SAMD4A: variants seen among roughly 807,000 people sequenced by gnomAD.
The protein encoded by SAMD4A is protein Smaug homolog 1.
Under a neutral mutation model 81.3 loss-of-function variants are expected in SAMD4A, and 33 were observed. The ratio of observed to expected loss-of-function variants is 0.41; its 90% CI spans 0.31 to 0.54. SAMD4A has a LOEUF of 0.54. SAMD4A is among the 20% of genes least tolerant of loss of function. The pLI, the probability that SAMD4A is intolerant of heterozygous loss-of-function variation, is 0.37. For missense variants in SAMD4A, 854 were observed against 951.1 expected (o/e 0.90, Z 1.34); for synonymous variants, 389 against 382.1 (o/e 1.02, Z -0.21).
At chr14:54,700,392 C>T (rs2036684449) in intron 2 of SAMD4A, among the ~76,000 whole-genome samples, 1 of 152,198 alleles carries the variant, frequency 6.6e-6, no homozygotes, top group Non-Finnish European at 1.5e-5. Context: ...TCATTATATA[C>T]CATGCCTCTT....
intron 2 of SAMD4A, among the ~76,000 whole-genome samples, chr14:54,635,058 A>C (rs997365721): frequency 6.6e-6 from 1 of 152,184 alleles, no homozygotes; most frequent in Non-Finnish European, 1.5e-5. Flanking sequence ...TGTAGATAAA[A>C]GTGAGTCTCA....
At chr14:54,780,114 A>C (rs766941145) in intron 11 of SAMD4A, among the ~76,000 whole-genome samples, 2 of 152,142 alleles carry the variant, frequency 1.3e-5, no homozygotes, top group African/African-American at 2.4e-5. Context: ...GGCCTAACAG[A>C]AAAGGGCAGG....
At chr14:54,597,125 A>G (rs1380406989) in intron 2 of SAMD4A, among the ~76,000 whole-genome samples, 1 of 151,178 alleles carries the variant, frequency 6.6e-6, no homozygotes, top group African/African-American at 2.4e-5. Context: ...TTTTTGAAAA[A>G]TGGAAGATTT....
At chr14:54,598,820 C>CCCCTT (rs1216726175) in intron 2 of SAMD4A, among the ~76,000 whole-genome samples, 3 of 151,864 alleles carry the variant, frequency 2.0e-5, no homozygotes, top group Non-Finnish European at 4.4e-5. Context: ...CCCCTCCCCT[C>CCCCTT]CCCTTCCATC....
intron 2 of SAMD4A, among the ~76,000 whole-genome samples, chr14:54,568,741 A>ATATATATATATAT (rs2033039421): frequency 1.9e-5 from 2 of 107,576 alleles, no homozygotes; most frequent in African/African-American, 3.6e-5. Context: ...ATATATATAT[A>ATATATATATATAT]ATGCGGTTAA....
intron 2 of SAMD4A, among the ~76,000 whole-genome samples, chr14:54,632,789 T>C (rs1454922928): frequency 6.6e-6 from 1 of 152,232 alleles, no homozygotes. Flanking sequence ...CTCACTCTGT[T>C]TTAACTTTCT....
In SAMD4A at chr14:54,658,640, G is replaced by T. The variant is rs59981533; in HGVS notation, c.197-43422G>T. On this transcript the variant is annotated intron_variant, in intron 2 of 12. Transcript: ENST00000554335. ...GGAGCCTCTTCCTTACCCAGCCACT[G>T]TCATTGACTTCTCTGTGCCACTGGG... 8.1e-3 allele frequency among the ~76,000 whole-genome samples: 1,234 copies of T among 152,276 alleles called. 15 individuals carry two copies. The highest frequency in any genetic ancestry group is 0.028 in the African/African-American group (1,173 of 41,556).
chr14:54,717,355 T>G (rs1361022427), intron 3 of SAMD4A, among the ~76,000 whole-genome samples: 1 of 151,098 alleles, frequency 6.6e-6, no homozygotes, highest in African/African-American at 2.4e-5. Flanking sequence ...GGCAGAAGGA[T>G]CGCTTGAGCC....
chr14:54,656,494 G>A (rs1455551909), intron 2 of SAMD4A, among the ~76,000 whole-genome samples: 6 of 152,130 alleles, frequency 3.9e-5, no homozygotes, highest in Non-Finnish European at 8.8e-5. Flanking sequence ...GAAGCCCCAT[G>A]GCTCTTGATA....
At position 54,676,231 on chromosome 14, in the gene SAMD4A, C is replaced by A. The variant is rs540284951; in HGVS notation, c.197-25831C>A. 3.9e-5 allele frequency among the ~76,000 whole-genome samples: 6 copies of A among 152,276 alleles called. No individual in the cohort carries two copies. The South Asian group carries it at 1.2e-3, about 32-fold the overall frequency. ...ACCTCTCATTTTGGTATTAAAAGTG[C>A]CTTTGGCGTATTCAGATATCTCCAT... is the stretch of plus-strand genomic sequence containing the variant. On this transcript the variant is annotated intron_variant, in intron 2 of 12. Transcript: ENST00000554335.
At position 54,781,078 on chromosome 14, in the gene SAMD4A, C is replaced by T. The variant is rs576495978; in HGVS notation, c.2045-3459C>T. Among the ~76,000 whole-genome samples, 35 of 152,326 alleles carry T rather than the reference C, an allele frequency of 2.3e-4. 2 individuals are homozygous for T. The South Asian group carries it at 6.8e-3, about 30-fold the overall frequency. ...TCTTCCCTGCTTTCTCTCCTCCTAG[C>T]AACCCTGCTGCTCAGTGAACCAGAC... is the stretch of plus-strand genomic sequence containing the variant. On this transcript the variant is annotated intron_variant, in intron 11 of 12. Transcript: ENST00000554335.
intron 2 of SAMD4A, among the ~76,000 whole-genome samples, chr14:54,599,297 A>G (rs1012701391): frequency 7.2e-5 from 11 of 152,238 alleles, no homozygotes; most frequent in African/African-American, 2.7e-4. Flanking sequence ...AGGACTAAAA[A>G]AAGATTATAT....
chr14:54,567,852 T>C lies in SAMD4A; in HGVS notation c.-65T>C, dbSNP rs1566524020. On this transcript the variant is annotated 5_prime_UTR_variant, in exon 2 of 13. Coordinates refer to ENST00000554335, the MANE Select transcript of SAMD4A (RefSeq NM_015589.6). Reference sequence around the variant, plus strand: ...CGCGGGGCTGCGGCTCCGCCAAACTTTGGGGCGGGCGGGGCGGGCTGGGGC... The same window carrying C: ...CGCGGGGCTGCGGCTCCGCCAAACTCTGGGGCGGGCGGGGCGGGCTGGGGC... 3 of 1,486,162 alleles carry C rather than the reference T, an allele frequency of 2.0e-6. No homozygotes were observed. Among genetic ancestry groups the C allele is most frequent in the African/African-American group, 1.5e-5 (1 of 67,604 alleles). 92.1% of individuals were successfully genotyped at this position (1,486,162 alleles called of 1,614,324 possible).
chr14:54,757,258 C>T (rs1055588217), intron 6 of SAMD4A, among the ~76,000 whole-genome samples: 2 of 152,126 alleles, frequency 1.3e-5, no homozygotes, highest in Non-Finnish European at 2.9e-5. Context: ...TGATTGTAAG[C>T]CAAGTGTTAT....
At chr14:54,663,684 G>A (rs551164627) in intron 2 of SAMD4A, among the ~76,000 whole-genome samples, 8 of 152,186 alleles carry the variant, frequency 5.3e-5, no homozygotes, top group Non-Finnish European at 8.8e-5. Flanking sequence ...TAGGTCTCAC[G>A]TGGTCATTTT....
rs574118200 is a variant in SAMD4A at position 54,712,678 on chromosome 14, C to T, written c.715+10098C>T. Reference sequence around the variant, plus strand: ...ATGATCAGAAAAATGCTGTAGTGGGCGAGAAGCCTGCTAGTTGATCATGTG... The same window carrying T: ...ATGATCAGAAAAATGCTGTAGTGGGTGAGAAGCCTGCTAGTTGATCATGTG... On this transcript the variant is annotated intron_variant, in intron 3 of 12. Transcript: ENST00000554335. 1.3e-4 allele frequency among the ~76,000 whole-genome samples: 20 copies of T among 152,198 alleles called. No homozygotes were observed. In the East Asian group the frequency reaches 1.4e-3, roughly 10 times the overall value.
intron 3 of SAMD4A, among the ~76,000 whole-genome samples, chr14:54,717,990 T>C (rs1012113381): frequency 6.6e-6 from 1 of 152,132 alleles, no homozygotes; most frequent in Non-Finnish European, 1.5e-5. Flanking sequence ...TCTCTCTTTT[T>C]CTTGCTAGAG....
chr14:54,774,210 T>C (rs1374900025), intron 9 of SAMD4A, among the ~76,000 whole-genome samples: 1 of 152,244 alleles, frequency 6.6e-6, no homozygotes, highest in Non-Finnish European at 1.5e-5. Flanking sequence ...CTGTGTGACC[T>C]GTGCACAAGG....
intron 2 of SAMD4A, among the ~76,000 whole-genome samples, chr14:54,696,688 T>C (rs1393688592): frequency 6.6e-6 from 1 of 152,212 alleles, no homozygotes; most frequent in Admixed American, 6.5e-5. Context: ...CCAAAAATCA[T>C]TGGGACAGTT....
Sources: allele counts gnomAD v4.1 joint callset (sites outside exome capture counted in the v4.1 genomes callset), GRCh38; gene constraint gnomAD v4.1.1; transcripts MANE v1.5; gene names NCBI Gene and HGNC (gene_info 2026-07-23, HGNC 2026-07-21).